CABIN1: variants seen among roughly 807,000 people sequenced by gnomAD.
The protein encoded by CABIN1 is calcineurin binding protein 1.
Under a neutral mutation model 227.7 loss-of-function variants are expected in CABIN1, and 133 were observed. The ratio of observed to expected loss-of-function variants is 0.58; its 90% CI spans 0.51 to 0.67. The LOEUF is 0.67. Among genes scored for constraint, CABIN1 ranks in the 30% least tolerant of loss-of-function variants. CABIN1 has a pLI of 0.00. For missense variants in CABIN1, 2,408 were observed against 2,852.5 expected (o/e 0.84, Z 3.55); for synonymous variants, 1,086 against 1,155.1 (o/e 0.94, Z 1.21).
intron 35 of CABIN1, among the ~76,000 whole-genome samples, chr22:24,176,952 C>T (rs879419163): frequency 6.6e-6 from 1 of 152,206 alleles, no homozygotes; most frequent in East Asian, 1.9e-4. Flanking sequence ...CCAGGCCAGC[C>T]GGGTCCTCCC....
At chr22:24,075,260 T>G (rs905419700) in intron 18 of CABIN1, among the ~76,000 whole-genome samples, 8 of 152,178 alleles carry the variant, frequency 5.3e-5, no homozygotes, top group African/African-American at 9.7e-5. Flanking sequence ...ACTAGTGGCT[T>G]CTGACATGTT....
chr22:24,151,234 T>C (rs1222605565), intron 29 of CABIN1, among the ~76,000 whole-genome samples: 2 of 152,144 alleles, frequency 1.3e-5, no homozygotes, highest in Non-Finnish European at 2.9e-5. Flanking sequence ...GGGGTCTATC[T>C]GACAAAGATC....
At chr22:24,123,065 C>T (rs2043514469) in intron 28 of CABIN1, among the ~76,000 whole-genome samples, 1 of 152,136 alleles carries the variant, frequency 6.6e-6, no homozygotes, top group South Asian at 2.1e-4. Context: ...TTTGCTCTTA[C>T]CATGAATGCC....
rs1453019476 is a variant in CABIN1 at position 24,056,303 on chromosome 22, G to A, written c.1205G>A (p.Cys402Tyr). 2 of 1,613,762 alleles carry A rather than the reference G, an allele frequency of 1.2e-6. No individual in the cohort carries two copies. The highest frequency in any genetic ancestry group is 2.7e-5 in the African/African-American group (2 of 74,890). The change falls in exon 10 of 37, where the codon TGC (cysteine) becomes TAC (tyrosine). Residue 402 changes from cysteine to tyrosine, a missense_variant. Transcript: ENST00000263119. ...TCTGCCCGTGTCCGAAACACCAAGT[G>A]CAAAAAAGAAGAGAAAGTAGACTTC... Reference protein sequence around the residue: ...RRSARVRNTKCKKEEKVDFQE... With the variant: ...RRSARVRNTKYKKEEKVDFQE...
chr22:24,096,191 A>G, intron 25 of CABIN1, 109 bp downstream of exon 25: 2 of 1,287,766 alleles, frequency 1.6e-6, no homozygotes, highest in Middle Eastern at 2.4e-4. Context: ...TAAACAGTAA[A>G]CTAGAACTCA....
intron 26 of CABIN1, among the ~76,000 whole-genome samples, chr22:24,104,605 A>G (rs1024195117): frequency 2.0e-5 from 3 of 152,076 alleles, no homozygotes; most frequent in African/African-American, 7.2e-5. Flanking sequence ...CCTGCTGTGT[A>G]TCTTCCTCTC....
At chr22:24,048,366 T>TCC (rs2038058408) in intron 6 of CABIN1, among the ~76,000 whole-genome samples, 1 of 152,158 alleles carries the variant, frequency 6.6e-6, no homozygotes, top group Non-Finnish European at 1.5e-5. Context: ...ACCTATTGTG[T>TCC]GGAATTGGAC....
At chr22:24,129,902 G>A (rs899409773) in intron 28 of CABIN1, among the ~76,000 whole-genome samples, 7 of 152,226 alleles carry the variant, frequency 4.6e-5, no homozygotes, top group African/African-American at 1.7e-4. Flanking sequence ...GTAGACTGAG[G>A]CATGGAGCTG....
intron 10 of CABIN1, among the ~76,000 whole-genome samples, chr22:24,058,399 G>C (rs2038954760): frequency 6.6e-6 from 1 of 152,216 alleles, no homozygotes; most frequent in African/African-American, 2.4e-5. Flanking sequence ...GGGAGTGTGT[G>C]CAATACGTGA....
At chr22:24,031,613 C>A (rs1262284845) in intron 1 of CABIN1, among the ~76,000 whole-genome samples, 2 of 152,178 alleles carry the variant, frequency 1.3e-5, no homozygotes, top group African/African-American at 4.8e-5. Context: ...GTGAAGGCAG[C>A]AGTTCAGACG....
intron 8 of CABIN1, 64 bp from the exon 9 acceptor site, chr22:24,054,809 C>T: frequency 6.2e-7 from 1 of 1,608,968 alleles, no homozygotes; most frequent in Non-Finnish European, 8.5e-7. Flanking sequence ...AGGCCATTTT[C>T]CACTATGCTT....
intron 10 of CABIN1, among the ~76,000 whole-genome samples, chr22:24,057,886 A>G (rs1188876335): frequency 2.0e-5 from 3 of 152,202 alleles, no homozygotes; most frequent in African/African-American, 7.2e-5. Flanking sequence ...TGGTGCCAAG[A>G]GATTTGAGTG....
rs186585115 is a variant in CABIN1 at position 24,074,361 on chromosome 22, A to G, written c.2633-1808A>G. On this transcript the variant is annotated intron_variant, in intron 18 of 36. Coordinates refer to ENST00000263119, the MANE Select transcript of CABIN1 (RefSeq NM_012295.4). ...GGAAAAAGAAAGAAAAGAAAGAAAA[A>G]AGAAAGATTCTGGTGGAGTGGCAGT... Among the ~76,000 whole-genome samples the G allele has an allele frequency of 2.6e-5, 4 of 152,334 alleles. No individual in the cohort carries two copies. In the East Asian group the frequency reaches 7.7e-4, roughly 29 times the overall value.
At chr22:24,050,152 G>T (rs1041394352) in intron 7 of CABIN1, among the ~76,000 whole-genome samples, 1 of 152,204 alleles carries the variant, frequency 6.6e-6, no homozygotes, top group South Asian at 2.1e-4. Flanking sequence ...TCTATCCCCT[G>T]TGAGCCTGTC....
Position 24,029,117 on chromosome 22 carries a change from G to A in CABIN1, c.-74-6327G>A, listed in dbSNP as rs2146783408. The stretch of plus-strand genomic sequence containing the variant: ...CATACCTATAACAGCACTTTGGGAG[G>A]CCGAGACAGGTGGATCGCTTGAGGC... On this transcript the variant is annotated intron_variant, in intron 1 of 36. Transcript: ENST00000263119. 3.9e-5 allele frequency among the ~76,000 whole-genome samples: 6 copies of A among 152,298 alleles called. 1 individual carries two copies. The Middle Eastern group carries it at 0.014, about 345-fold the overall frequency.
intron 2 of CABIN1, 127 bp downstream of exon 2, chr22:24,035,647 A>G: frequency 8.2e-7 from 1 of 1,224,932 alleles, no homozygotes; most frequent in South Asian, 1.2e-5. Flanking sequence ...CCTCCCAGGA[A>G]GGCTGTTGGC....
chr22:24,023,623 T>A (rs1318630363), intron 1 of CABIN1, among the ~76,000 whole-genome samples: 1 of 152,230 alleles, frequency 6.6e-6, no homozygotes, highest in East Asian at 1.9e-4. Context: ...TCACTGTAGT[T>A]TTGATTTACA....
chr22:24,026,902 A>T (rs369350944), intron 1 of CABIN1, among the ~76,000 whole-genome samples: 2 of 152,186 alleles, frequency 1.3e-5, no homozygotes, highest in African/African-American at 4.8e-5. Flanking sequence ...CTGTCAGCTT[A>T]TCTATAATTA....
intron 29 of CABIN1, among the ~76,000 whole-genome samples, chr22:24,148,343 A>G (rs2045277747): frequency 6.6e-6 from 1 of 152,186 alleles, no homozygotes; most frequent in Non-Finnish European, 1.5e-5. Context: ...CAGACTCTCT[A>G]AGGGCCCTGG....
Sources: gnomAD v4.1 joint callset for allele counts (sites outside exome capture counted in the v4.1 genomes callset) on GRCh38, gnomAD v4.1.1 for gene constraint, MANE v1.5 for transcripts, NCBI Gene and HGNC (gene_info 2026-07-23, HGNC 2026-07-21) for gene names.